The following HMBOX1 variants were observed in gnomAD, a reference collection of about 807,000 sequenced individuals.
The protein encoded by HMBOX1 is homeobox-containing protein 1.
In HMBOX1, 14 loss-of-function variants were observed where a neutral mutation model predicts 54.5. That is an observed-to-expected ratio of 0.26 (90% CI 0.17 to 0.40). The LOEUF (loss-of-function observed/expected upper bound fraction) is 0.40, where lower values mean the gene tolerates loss of function less well. Ranked by LOEUF, HMBOX1 falls within the 10% of genes least tolerant of loss-of-function variation. HMBOX1 has a pLI of 1.00. For missense variants in HMBOX1, 332 were observed against 514.4 expected (o/e 0.65, Z 3.43); for synonymous variants, 160 against 181.0 (o/e 0.88, Z 0.93).
At chr8:28,934,568 A>G (rs1820048655) in intron 1 of HMBOX1, among the ~76,000 whole-genome samples, 1 of 152,250 alleles carries the variant, frequency 6.6e-6, no homozygotes, top group African/African-American at 2.4e-5. Context: ...CCTAAGGGAT[A>G]TGTTTGTAAA....
At chr8:29,010,427 C>T (rs1242526886) in intron 5 of HMBOX1, among the ~76,000 whole-genome samples, 1 of 151,994 alleles carries the variant, frequency 6.6e-6, no homozygotes, top group African/African-American at 2.4e-5. Context: ...TGTGGTGGGG[C>T]ATGCCTGTAT....
At chr8:29,039,484 C>G (rs1309769727) in intron 6 of HMBOX1, among the ~76,000 whole-genome samples, 1 of 152,124 alleles carries the variant, frequency 6.6e-6, no homozygotes, top group African/African-American at 2.4e-5. Flanking sequence ...CTGAGATAGT[C>G]TGGGTTTTAC....
chr8:28,906,791 A>C (rs992623511), intron 1 of HMBOX1, among the ~76,000 whole-genome samples: 3 of 152,186 alleles, frequency 2.0e-5, no homozygotes, highest in Non-Finnish European at 4.4e-5. Context: ...GGGTTTCACC[A>C]TATTGAACCA....
At chr8:28,936,187 T>C (rs1321079115) in intron 1 of HMBOX1, among the ~76,000 whole-genome samples, 1 of 152,048 alleles carries the variant, frequency 6.6e-6, no homozygotes, top group African/African-American at 2.4e-5. Context: ...TTTTAATGTT[T>C]CAGTAGATGT....
chr8:28,991,084 T>C (rs1830915474), intron 4 of HMBOX1, among the ~76,000 whole-genome samples: 1 of 152,226 alleles, frequency 6.6e-6, no homozygotes, highest in Non-Finnish European at 1.5e-5. Context: ...ATTATTTCTT[T>C]CTTAAATGTC....
At chr8:29,050,982 A>G (rs759596137) in intron 9 of HMBOX1, 36 bp from the exon 10 acceptor site, 14 of 1,592,998 alleles carry the variant, frequency 8.8e-6, no homozygotes, top group Admixed American at 7.1e-5. Flanking sequence ...AATTCTTCCA[A>G]TCCACTAATA....
intron 1 of HMBOX1, among the ~76,000 whole-genome samples, chr8:28,912,280 A>G (rs1239228641): frequency 1.3e-5 from 2 of 152,212 alleles, no homozygotes; most frequent in Non-Finnish European, 2.9e-5. Context: ...AAGCTGGGAT[A>G]TGAATATCTG....
intron 5 of HMBOX1, among the ~76,000 whole-genome samples, chr8:29,016,820 G>A (rs1206278861): frequency 6.6e-6 from 1 of 152,258 alleles, no homozygotes; most frequent in Admixed American, 6.5e-5. Context: ...GTGAATAAGA[G>A]AGAAAGCATC....
chr8:28,902,074 A>G lies in HMBOX1; in HGVS notation c.-58+11396A>G, dbSNP rs185803808. 1.8e-4 allele frequency among the ~76,000 whole-genome samples: 28 copies of G among 152,328 alleles called. 2 individuals are homozygous for G. The highest frequency in any genetic ancestry group is 1.6e-3 in the Admixed American group (25 of 15,296). On this transcript the variant is annotated intron_variant, in intron 1 of 9. Transcript: ENST00000287701. ...TGTATTTACTTGTAAGGTATGTGAC[A>G]TTCTAAATAGTTTAGTTTTCATGTT...
intron 4 of HMBOX1, among the ~76,000 whole-genome samples, chr8:29,000,784 C>T (rs1036623890): frequency 5.9e-5 from 9 of 152,224 alleles, no homozygotes; most frequent in African/African-American, 1.9e-4. Context: ...ACCTGGTTTT[C>T]ACTGTGATTG....
At chr8:28,987,632 C>T (rs993616706) in intron 4 of HMBOX1, among the ~76,000 whole-genome samples, 4 of 152,120 alleles carry the variant, frequency 2.6e-5, no homozygotes, top group Admixed American at 1.3e-4. Flanking sequence ...AAAAGTTTTA[C>T]TCAGAGTGAG....
chr8:28,995,597 C>T (rs1039731936), intron 4 of HMBOX1, among the ~76,000 whole-genome samples: 1 of 152,190 alleles, frequency 6.6e-6, no homozygotes, highest in Non-Finnish European at 1.5e-5. Flanking sequence ...TTTTATAAAA[C>T]TACCACCAAT....
At chr8:28,965,108 T>A (rs984169630) in intron 2 of HMBOX1, among the ~76,000 whole-genome samples, 1 of 152,234 alleles carries the variant, frequency 6.6e-6, no homozygotes, top group Non-Finnish European at 1.5e-5. Flanking sequence ...GAAATGAATG[T>A]AAGCATCATG....
In HMBOX1 at chr8:28,967,601, T is replaced by C. The variant is rs1444058276; in HGVS notation, c.24-2442T>C. Among the ~76,000 whole-genome samples, 4 of 152,320 alleles carry C rather than the reference T, an allele frequency of 2.6e-5. No homozygotes were observed. The East Asian group carries it at 7.7e-4, about 29-fold the overall frequency. On this transcript the variant is annotated intron_variant, in intron 2 of 9. Coordinates refer to ENST00000287701, the MANE Select transcript of HMBOX1 (RefSeq NM_001135726.3). ...TGATTGGGGATTTTTGTCCATATAA[T>C]AAAACAGTTATTGAAGTCATCTAAA...
At chr8:28,934,672 T>A (rs1820074244) in intron 1 of HMBOX1, among the ~76,000 whole-genome samples, 1 of 152,186 alleles carries the variant, frequency 6.6e-6, no homozygotes, top group Non-Finnish European at 1.5e-5. Flanking sequence ...ACGCCTGTAA[T>A]TCCAGCACTT....
intron 1 of HMBOX1, among the ~76,000 whole-genome samples, chr8:28,946,598 T>C (rs1822519581): frequency 2.0e-5 from 3 of 152,122 alleles, no homozygotes; most frequent in Admixed American, 1.3e-4. Flanking sequence ...ACAATTGTGT[T>C]TGATATGTAT....
intron 1 of HMBOX1, among the ~76,000 whole-genome samples, chr8:28,922,707 G>T (rs185569839): frequency 6.6e-6 from 1 of 152,092 alleles, no homozygotes; most frequent in Admixed American, 6.6e-5. Flanking sequence ...TTCTTAATCT[G>T]TAATGGAGAC....
At chr8:29,049,995 G>A (rs1806198948) in intron 9 of HMBOX1, among the ~76,000 whole-genome samples, 1 of 152,178 alleles carries the variant, frequency 6.6e-6, no homozygotes, top group African/African-American at 2.4e-5. Context: ...ACATCAGAAG[G>A]AAACAATGAT....
intron 6 of HMBOX1, among the ~76,000 whole-genome samples, chr8:29,021,909 A>G (rs896007673): frequency 2.0e-5 from 3 of 152,140 alleles, no homozygotes; most frequent in Non-Finnish European, 2.9e-5. Flanking sequence ...GAGAAATTCA[A>G]ATTAAAACTA....
Sources: allele counts gnomAD v4.1 joint callset (sites outside exome capture counted in the v4.1 genomes callset), GRCh38; gene constraint gnomAD v4.1.1; transcripts MANE v1.5; gene names NCBI Gene and HGNC (gene_info 2026-07-23, HGNC 2026-07-21).